The following ANKRD36C variants were observed in gnomAD, a reference collection of about 807,000 sequenced individuals.
ANKRD36C encodes ankyrin repeat domain 36C, also known as ankyrin repeat domain-containing protein 36C.
In ANKRD36C, 61 loss-of-function variants were observed where a neutral mutation model predicts 276.4. That is an observed-to-expected ratio of 0.22 (90% CI 0.18 to 0.27). ANKRD36C has a LOEUF of 0.27. Among genes scored for constraint, ANKRD36C ranks in the 10% least tolerant of loss-of-function variants. The probability of loss-of-function intolerance (pLI) is 1.00; values close to 1 mark genes in which losing one functional copy is unlikely to be tolerated. For missense variants in ANKRD36C, 1,447 were observed against 2,032.3 expected (o/e 0.71, Z 5.54); for synonymous variants, 483 against 680.1 (o/e 0.71, Z 4.51).
chr2:95,908,957 A>G (rs1676832787), intron 42 of ANKRD36C, among the ~76,000 whole-genome samples: 2 of 151,220 alleles, frequency 1.3e-5, no homozygotes, highest in Admixed American at 6.6e-5. Flanking sequence ...AACCATGTCA[A>G]TATCAACGTG....
intron 60 of ANKRD36C, among the ~76,000 whole-genome samples, chr2:95,865,415 A>G (rs1384588752): frequency 6.6e-6 from 1 of 152,098 alleles, no homozygotes; most frequent in Non-Finnish European, 1.5e-5. Flanking sequence ...ACAAAGAACA[A>G]AATTGGAGGA....
intron 44 of ANKRD36C, among the ~76,000 whole-genome samples, chr2:95,892,495 C>T (rs1027392063): frequency 3.3e-5 from 5 of 151,420 alleles, no homozygotes; most frequent in East Asian, 1.9e-4. Context: ...TTTAGCCTTC[C>T]GAAAGTTTCT....
intron 28 of ANKRD36C, among the ~76,000 whole-genome samples, chr2:95,926,309 C>G (rs796518694): frequency 2.0e-5 from 3 of 151,496 alleles, no homozygotes; most frequent in Non-Finnish European, 4.4e-5. Context: ...ATATGAATAA[C>G]CTTTTACATT....
At chr2:95,939,774 T>A (rs1255891595) in intron 20 of ANKRD36C, among the ~76,000 whole-genome samples, 1 of 105,552 alleles carries the variant, frequency 9.5e-6, no homozygotes, top group Non-Finnish European at 2.0e-5. Context: ...CAATCATTAG[T>A]TTAGATATCT....
chr2:95,860,004 A>G (rs1456685243), exon 61 of ANKRD36C: 11 of 1,548,206 alleles, frequency 7.1e-6, no homozygotes, highest in African/African-American at 1.4e-5. Flanking sequence ...GCTCACAGTG[A>G]TTATCTTTAA....
exon 5 of ANKRD36C, chr2:95,980,739 T>C (rs1331626301): frequency 6.2e-7 from 1 of 1,608,862 alleles, no homozygotes; most frequent in African/African-American, 1.3e-5. Context: ...AGAAGAAGAA[T>C]GACTATATCT....
At chr2:95,851,004 A>C (rs1173908640), downstream of ANKRD36C, among the ~76,000 whole-genome samples, 1 of 152,224 alleles carries the variant, frequency 6.6e-6, no homozygotes, top group Non-Finnish European at 1.5e-5. Flanking sequence ...ACCCTTCACT[A>C]TGAATGTTTA....
chr2:95,880,319 C>T (rs1439669616), intron 58 of ANKRD36C, 108 bp downstream of exon 78: 2 of 1,155,628 alleles, frequency 1.7e-6, no homozygotes, highest in East Asian at 5.2e-5. Flanking sequence ...AGATGAAATC[C>T]TGAAATAAAA....
At chr2:95,912,568 G>C (rs1230356825) in intron 40 of ANKRD36C, 133 bp from the exon 43 acceptor site, 10 of 1,527,676 alleles carry the variant, frequency 6.5e-6, no homozygotes, top group African/African-American at 4.1e-5. Flanking sequence ...TCTATTTTGT[G>C]TCTGGGGACC....
intron 34 of ANKRD36C, chr2:95,919,764 T>C: frequency 1.4e-6 from 2 of 1,389,726 alleles, no homozygotes; most frequent in Non-Finnish European, 1.9e-6. Context: ...CCTTTATTTC[T>C]GTGGCTATAT....
intron 14 of ANKRD36C, among the ~76,000 whole-genome samples, chr2:95,953,242 T>C (rs958027512): frequency 2.0e-5 from 3 of 152,124 alleles, no homozygotes; most frequent in Admixed American, 6.6e-5. Context: ...TCCACAACTT[T>C]TTAAAATTAG....
At chr2:95,929,109 T>C in exon 26 of ANKRD36C, 1 of 1,603,778 alleles carries the variant, frequency 6.2e-7, no homozygotes, top group Non-Finnish European at 8.5e-7. Context: ...TTTCTGTGGC[T>C]ATATTTGAAA....
chr2:95,948,061 C>T (rs1257606004), intron 17 of ANKRD36C, among the ~76,000 whole-genome samples: 2 of 151,870 alleles, frequency 1.3e-5, no homozygotes, highest in Non-Finnish European at 2.9e-5. Flanking sequence ...AATAGGTGTA[C>T]AAGAAATGAA....
chr2:95,893,103 G>C (rs1042194022), intron 44 of ANKRD36C, among the ~76,000 whole-genome samples: 8 of 151,420 alleles, frequency 5.3e-5, no homozygotes, highest in Middle Eastern at 6.8e-3. Context: ...GAAAATGATT[G>C]CTACACCAGG....
intron 59 of ANKRD36C, among the ~76,000 whole-genome samples, 180 bp downstream of exon 79, chr2:95,876,259 T>C (rs1383785148): frequency 6.6e-6 from 1 of 152,196 alleles, no homozygotes; most frequent in Non-Finnish European, 1.5e-5. Context: ...CAAGTTGCTA[T>C]AGATTCCAAC....
At chr2:95,912,866 T>G (rs1676975799) in intron 40 of ANKRD36C, among the ~76,000 whole-genome samples, 1 of 151,424 alleles carries the variant, frequency 6.6e-6, no homozygotes, top group Admixed American at 6.6e-5. Flanking sequence ...ATCATGCTCT[T>G]TAACTTGACC....
intron 45 of ANKRD36C, 35 bp downstream of exon 65, chr2:95,891,797 T>C: frequency 6.4e-7 from 1 of 1,559,490 alleles, no homozygotes; most frequent in Middle Eastern, 1.9e-4. Context: ...GACTATACAT[T>C]TACTAGTTCA....
At chr2:95,876,853 C>CAAAAAA (rs61043155) in intron 58 of ANKRD36C, among the ~76,000 whole-genome samples, 1 of 84,156 alleles carries the variant, frequency 1.2e-5, no homozygotes, top group Non-Finnish European at 2.3e-5. Context: ...GACTGTGTCT[C>CAAAAAA]AAAAAAAAAA....
rs566967815 is a variant in ANKRD36C at position 95,948,097 on chromosome 2, G to C, written c.1362+433C>G. Among the ~76,000 whole-genome samples, 41 of 152,246 alleles carry C rather than the reference G, an allele frequency of 2.7e-4. No homozygotes were observed. In the East Asian group the frequency reaches 7.7e-3, roughly 29 times the overall value. ...AAGAAACTATATGCTATGTGTAACAGGGTGATTCCATGATTCCCATAATAA... is the reference window on the plus strand; with the variant it reads ...AAGAAACTATATGCTATGTGTAACACGGTGATTCCATGATTCCCATAATAA... On this transcript the variant is annotated intron_variant, in intron 17 of 66. Coordinates refer to ENST00000456556, the Ensembl canonical transcript of ANKRD36C.
Sources: allele counts gnomAD v4.1 joint callset (sites outside exome capture counted in the v4.1 genomes callset), GRCh38; gene constraint gnomAD v4.1.1; transcripts MANE v1.5; gene names NCBI Gene and HGNC (gene_info 2026-07-23, HGNC 2026-07-21).